The following MARCHF6 variants were observed in gnomAD, a reference collection of about 807,000 sequenced individuals.
MARCHF6 encodes the protein membrane associated ring-CH-type finger 6, also known as E3 ubiquitin-protein ligase MARCHF6.
A neutral mutation model predicts 133.7 loss-of-function variants in MARCHF6; 31 were observed. The observed-to-expected ratio is 0.23, with a 90% confidence interval of 0.17 to 0.31. The LOEUF (loss-of-function observed/expected upper bound fraction) is 0.31, where lower values mean the gene tolerates loss of function less well. Ranked by LOEUF, MARCHF6 falls within the 10% of genes least tolerant of loss-of-function variation. The pLI, the probability that MARCHF6 is intolerant of heterozygous loss-of-function variation, is 1.00. For synonymous variants in MARCHF6, 395 were observed against 402.5 expected (o/e 0.98, Z 0.22); for missense variants, 723 against 1,121.6 (o/e 0.64, Z 5.08).
intron 1 of MARCHF6, among the ~76,000 whole-genome samples, chr5:10,374,004 C>T (rs1032646367): frequency 6.6e-6 from 1 of 151,302 alleles, no homozygotes; most frequent in Non-Finnish European, 1.5e-5. Flanking sequence ...ATGGCCCTGT[C>T]ACTCTTAGGT....
rs1740394073 is a variant in MARCHF6, at chr5:10,431,966, T to G, written c.2643-1628T>G. Among the ~76,000 whole-genome samples, 3 of 152,102 alleles carry G rather than the reference T, an allele frequency of 2.0e-5. No individual in the cohort carries two copies. In the South Asian group the frequency reaches 6.2e-4, roughly 32 times the overall value. The stretch of plus-strand genomic sequence containing the variant: ...CAAAGTTTTAAAATCAGTGGTTGGT[T>G]GGGGAACAGTGGGGTAAGGAATGGC... On this transcript the variant is annotated intron_variant, in intron 25 of 25. Transcript: ENST00000274140.
At chr5:10,378,946 A>T (rs1056821668) in intron 3 of MARCHF6, 114 bp downstream of exon 3, 1 of 572,846 alleles carries the variant, frequency 1.7e-6, no homozygotes, top group Non-Finnish European at 3.0e-6. Flanking sequence ...AAGCACTTTA[A>T]AGCAATTATT....
chr5:10,392,084 G>C (rs532029652), intron 7 of MARCHF6, among the ~76,000 whole-genome samples: 1 of 151,172 alleles, frequency 6.6e-6, no homozygotes, highest in Middle Eastern at 3.4e-3. Context: ...TCAGCCTCCC[G>C]AGTAGCTGGG....
chr5:10,411,392 A>G lies in MARCHF6; in HGVS notation c.1751A>G (p.Gln584Arg), dbSNP rs1200412429. Residue 584 changes from glutamine (Q) to arginine (R), a missense_variant, in exon 19 of 26, where the codon CAA becomes CGA. Gln to Arg is a conservative substitution (Grantham distance 43). Transcript: ENST00000274140. ...QEENENSANQ[Q>R]VNNNQHARNN... Reference sequence around the variant, plus strand: ...GAAAATGAAAACAGTGCAAATCAACAAGTTAACAATAATCAGCATGCTCGA... The same window carrying G: ...GAAAATGAAAACAGTGCAAATCAACGAGTTAACAATAATCAGCATGCTCGA... The G allele has an allele frequency of 6.2e-7, 1 of 1,614,234 alleles. No individual in the cohort carries two copies. Among genetic ancestry groups the G allele is most frequent in the Non-Finnish European group, 8.5e-7 (1 of 1,180,032 alleles).
chr5:10,382,468 CAAAAA>C (rs550904656), intron 4 of MARCHF6, among the ~76,000 whole-genome samples: 2 of 74,308 alleles, frequency 2.7e-5, no homozygotes. Flanking sequence ...CTTTGTCTCG[CAAAAA>C]AAAAAAAAAA....
intron 7 of MARCHF6, among the ~76,000 whole-genome samples, chr5:10,392,471 C>A (rs145630522): frequency 6.6e-6 from 1 of 152,156 alleles, no homozygotes; most frequent in Non-Finnish European, 1.5e-5. Flanking sequence ...ATCAACGTCT[C>A]GTTTTCTAGC....
At chr5:10,432,114 G>A (rs1740401067) in intron 25 of MARCHF6, among the ~76,000 whole-genome samples, 1 of 152,178 alleles carries the variant, frequency 6.6e-6, no homozygotes, top group African/African-American at 2.4e-5. Context: ...GACATAAACT[G>A]CCAAAATATT....
At chr5:10,426,345 A>G in intron 23 of MARCHF6, 45 bp from the exon 24 acceptor site, 14 of 1,599,466 alleles carry the variant, frequency 8.8e-6, no homozygotes, top group Non-Finnish European at 1.2e-5. Context: ...ACTTGGAGGA[A>G]TTTGTCTTGT....
intron 1 of MARCHF6, among the ~76,000 whole-genome samples, chr5:10,372,385 A>G (rs1327116605): frequency 6.6e-6 from 1 of 152,212 alleles, no homozygotes; most frequent in Non-Finnish European, 1.5e-5. Context: ...GCATGTAGCA[A>G]TAGTGATCAT....
intron 22 of MARCHF6, among the ~76,000 whole-genome samples, chr5:10,422,984 A>T (rs1373160086): frequency 6.6e-6 from 1 of 151,220 alleles, no homozygotes; most frequent in African/African-American, 2.4e-5. Context: ...ATCAGTCTAA[A>T]TGTTACATGT....
At position 10,430,303 on chromosome 5, in the gene MARCHF6, T is replaced by G. The variant is rs1005739968; in HGVS notation, c.2642+275T>G. On this transcript the variant is annotated intron_variant, in intron 25 of 25. Coordinates refer to ENST00000274140, the MANE Select transcript of MARCHF6 (RefSeq NM_005885.4). Reference sequence around the variant, plus strand: ...GAGGGAGGTTTTTTTTTTTTGGTGGTGGTTTTTTTTTTTTTTTTTTTGAGA... The same window carrying G: ...GAGGGAGGTTTTTTTTTTTTGGTGGGGGTTTTTTTTTTTTTTTTTTTGAGA... Among the ~76,000 whole-genome samples the G allele has an allele frequency of 6.2e-4, 81 of 131,478 alleles. No homozygotes were observed. The highest frequency in any genetic ancestry group is 7.3e-4 in the South Asian group (3 of 4,136). The allele number at this position is 131,478 out of a possible 152,430, so 86.3% of individuals were successfully genotyped here.
chr5:10,372,080 A>AG lies in MARCHF6; in HGVS notation c.20-5717dup, dbSNP rs1561103648. Among the ~76,000 whole-genome samples the AG allele has an allele frequency of 2.0e-5, 3 of 151,800 alleles. No homozygotes were observed. In the East Asian group the frequency reaches 5.8e-4, roughly 29 times the overall value. Reference sequence around the variant, plus strand: ...TGTGAGTAGGCCAAAAAAAAAAAAGAGAGACATAGAGACATGGAAGATCAA... The same window carrying AG: ...TGTGAGTAGGCCAAAAAAAAAAAAGAGGAGACATAGAGACATGGAAGATCAA... On this transcript the variant is annotated intron_variant, in intron 1 of 25. Transcript: ENST00000274140.
chr5:10,390,839 T>C (rs1737785191), intron 6 of MARCHF6, among the ~76,000 whole-genome samples: 1 of 152,234 alleles, frequency 6.6e-6, no homozygotes, highest in Admixed American at 6.5e-5. Flanking sequence ...ATGTACATTT[T>C]TTTAAAAATG....
At chr5:10,376,853 TAA>T (rs1736814373) in intron 1 of MARCHF6, among the ~76,000 whole-genome samples, 1 of 152,172 alleles carries the variant, frequency 6.6e-6, no homozygotes, top group Non-Finnish European at 1.5e-5. Flanking sequence ...GGGATTGTAG[TAA>T]GTCGTCGTTA....
chr5:10,368,062 G>T (rs1235539544), intron 1 of MARCHF6, among the ~76,000 whole-genome samples: 1 of 152,120 alleles, frequency 6.6e-6, no homozygotes, highest in Non-Finnish European at 1.5e-5. Flanking sequence ...ACCTACTTCG[G>T]TGGTTTAATT....
intron 25 of MARCHF6, among the ~76,000 whole-genome samples, chr5:10,431,075 T>G (rs2126372765): frequency 6.6e-6 from 1 of 152,300 alleles, no homozygotes. Flanking sequence ...TTGTCCCCCC[T>G]TGCACAACAA....
In MARCHF6 at chr5:10,391,533, T is replaced by C; in HGVS notation, c.577-9T>C. The C allele has an allele frequency of 6.3e-7, 1 of 1,590,664 alleles. No homozygotes were observed. The highest frequency in any genetic ancestry group is 8.6e-7 in the Non-Finnish European group (1 of 1,164,462). The stretch of plus-strand genomic sequence containing the variant: ...GGATCTAAATTTCTGGGCTTTTCTG[T>C]GATTTTAGGCTCCAGCAGGAGGAAA... On this transcript the variant is annotated splice_polypyrimidine_tract_variant and intron_variant, in intron 6 of 25. Transcript: ENST00000274140.
chr5:10,403,870 T>G (rs1289329026), intron 15 of MARCHF6, among the ~76,000 whole-genome samples: 2 of 152,162 alleles, frequency 1.3e-5, no homozygotes, highest in East Asian at 3.9e-4. Flanking sequence ...TTGTATGATG[T>G]GAGTGTGTCT....
In MARCHF6 at chr5:10,439,601, T is replaced by C. The variant is rs1740780381; in HGVS notation, c.*5917T>C. On this transcript the variant is annotated 3_prime_UTR_variant, in exon 26 of 26. Transcript: ENST00000274140. ...TCTCAAAACTGAACAAGTAAACCCA[T>C]TGTTTACTTAATCGCTGTTTCTCCT... 6.6e-6 allele frequency: 1 copy of C among 152,224 alleles called. No individual in the cohort carries two copies. Among genetic ancestry groups the C allele is most frequent in the South Asian group, 2.1e-4 (1 of 4,830 alleles). 9.4% of individuals were successfully genotyped at this position (152,224 alleles called of 1,614,324 possible). A position where few individuals can be genotyped will look rare whatever the true frequency, so the allele number is the denominator to read the frequency against.
Sources: gnomAD v4.1 joint callset for allele counts (sites outside exome capture counted in the v4.1 genomes callset) on GRCh38, gnomAD v4.1.1 for gene constraint, MANE v1.5 for transcripts, NCBI Gene and HGNC (gene_info 2026-07-23, HGNC 2026-07-21) for gene names.